FMO5: variants seen among roughly 807,000 people sequenced by gnomAD.
FMO5 encodes the protein flavin containing dimethylaniline monoxygenase 5.
In FMO5, 51 loss-of-function variants were observed where a neutral mutation model predicts 43.6. The observed-to-expected ratio is 1.17, with a 90% confidence interval of 0.93 to 1.48. The LOEUF (loss-of-function observed/expected upper bound fraction) is 1.48, where lower values mean the gene tolerates loss of function less well. Ranked by LOEUF, FMO5 falls within the 40% of genes most tolerant of loss-of-function variation. FMO5 has a pLI of 0.00. For synonymous variants in FMO5, 187 were observed against 216.5 expected (o/e 0.86, Z 1.20); for missense variants, 644 against 643.0 (o/e 1.00, Z -0.02).
intron 2 of FMO5, among the ~76,000 whole-genome samples, chr1:147,220,318 T>G (rs1425810500): frequency 6.6e-6 from 1 of 152,186 alleles, no homozygotes; most frequent in Non-Finnish European, 1.5e-5. Context: ...AATGGAGAGA[T>G]ATTCTGATTC....
chr1:147,204,644 C>T (rs1416786106), intron 6 of FMO5: 26 of 1,585,756 alleles, frequency 1.6e-5, no homozygotes, highest in Non-Finnish European at 2.2e-5. Flanking sequence ...CCATCTCCAA[C>T]TTCTTGCTCT....
chr1:147,223,005 G>T (rs1663326673), intron 2 of FMO5, among the ~76,000 whole-genome samples: 1 of 152,180 alleles, frequency 6.6e-6, no homozygotes, highest in South Asian at 2.1e-4. Flanking sequence ...ACTGTTGTAA[G>T]TGATTGGCAT....
At chr1:147,209,575 G>C (rs1238218038) in intron 5 of FMO5, 1 of 153,492 alleles carries the variant, frequency 6.5e-6, no homozygotes, top group Non-Finnish European at 1.4e-5. Flanking sequence ...TGTATCTACT[G>C]TCCAAGAATA....
At chr1:147,207,088 A>G (rs1660230938) in intron 6 of FMO5, among the ~76,000 whole-genome samples, 1 of 152,050 alleles carries the variant, frequency 6.6e-6, no homozygotes, top group Non-Finnish European at 1.5e-5. Context: ...CAATGTATTA[A>G]TGTATTTTAT....
At chr1:147,224,626 T>C (rs888635889) in intron 2 of FMO5, among the ~76,000 whole-genome samples, 16 of 151,948 alleles carry the variant, frequency 1.1e-4, no homozygotes, top group Non-Finnish European at 2.9e-5. Flanking sequence ...CCTCCTGCCT[T>C]AGCCTCCCGA....
chr1:147,208,608 T>C, intron 6 of FMO5: 1 of 345,818 alleles, frequency 2.9e-6, no homozygotes, highest in East Asian at 6.6e-5. Flanking sequence ...CCTGGCTAAT[T>C]TTGTGTTTTT....
intron 7 of FMO5, among the ~76,000 whole-genome samples, chr1:147,193,396 T>C (rs1257254624): frequency 6.6e-6 from 1 of 152,154 alleles, no homozygotes; most frequent in African/African-American, 2.4e-5. Context: ...GATTCTTCTC[T>C]TTTCTTCTTT....
At chr1:147,194,081 T>C (rs1343255328) in intron 7 of FMO5, among the ~76,000 whole-genome samples, 1 of 152,120 alleles carries the variant, frequency 6.6e-6, no homozygotes, top group Non-Finnish European at 1.5e-5. Context: ...TCTGTCTCGT[T>C]GATCTGTCTA....
At chr1:147,205,026 T>G (rs2101873747) in intron 6 of FMO5, 6 of 725,486 alleles carry the variant, frequency 8.3e-6, no homozygotes, top group South Asian at 7.5e-5. Context: ...ATACATTCAG[T>G]CACTCTTCCA....
intron 8 of FMO5, among the ~76,000 whole-genome samples, chr1:147,188,069 GATA>G (rs1655942745): frequency 6.6e-6 from 1 of 152,168 alleles, no homozygotes; most frequent in Admixed American, 6.5e-5. Flanking sequence ...CAGAGGACCT[GATA>G]GAGGGTCAAG....
In FMO5 at chr1:147,225,061, C is replaced by T. The variant is rs782194006; in HGVS notation, c.-32G>A. The T allele has an allele frequency of 8.1e-6, 13 of 1,613,888 alleles. No homozygotes were observed. Among genetic ancestry groups the T allele is most frequent in the Non-Finnish European group, 9.3e-6 (11 of 1,179,920 alleles). ...CCGAGATCTTCACCTGTTAGTGTCG[C>T]CTGTCCTAAAGAAAGGATGACAAAA... On this transcript the variant is annotated 5_prime_UTR_variant, in exon 2 of 9. Coordinates refer to ENST00000254090, the MANE Select transcript of FMO5 (RefSeq NM_001461.4).
At position 147,209,437 on chromosome 1, in the gene FMO5, C is replaced by CA. The variant is rs34426233; in HGVS notation, c.631-387dup. Among the ~76,000 whole-genome samples the CA allele has an allele frequency of 2.9e-3, 320 of 109,844 alleles. 20 individuals carry two copies. Among genetic ancestry groups the CA allele is most frequent in the African/African-American group, 9.5e-3 (264 of 27,776 alleles). The allele number at this position is 109,844 out of a possible 152,430, so 72.1% of individuals were successfully genotyped here. On this transcript the variant is annotated intron_variant, in intron 5 of 8. Coordinates refer to ENST00000254090, the MANE Select transcript of FMO5 (RefSeq NM_001461.4). ...TGGGCAACAGAGTGAGACTCCGTCT[C>CA]AAAAAAAAAAAAAAAAAGAGTTCAA...
In FMO5 at chr1:147,186,686, G is replaced by A. The variant is rs1172373844; in HGVS notation, c.*214C>T. On this transcript the variant is annotated 3_prime_UTR_variant, in exon 9 of 9. Transcript: ENST00000254090. ...GCTCCCAGTCTAGGGATTACCACAA[G>A]GAAGAGTGACGGATCATGAGTGGAA... The A allele has an allele frequency of 7.2e-7, 1 of 1,383,408 alleles. No individual in the cohort carries two copies. The highest frequency in any genetic ancestry group is 9.3e-7 in the Non-Finnish European group (1 of 1,072,142). The allele number at this position is 1,383,408 out of a possible 1,614,324, so 85.7% of individuals were successfully genotyped here. A position where few individuals can be genotyped will look rare whatever the true frequency, so the allele number is the denominator to read the frequency against.
intron 7 of FMO5, among the ~76,000 whole-genome samples, chr1:147,200,264 A>T (rs1553920598): frequency 6.6e-6 from 1 of 152,190 alleles, no homozygotes. Context: ...GAGTAAATCT[A>T]ATCCTTCTTC....
At chr1:147,220,731 G>T (rs1662857481) in intron 2 of FMO5, among the ~76,000 whole-genome samples, 1 of 152,120 alleles carries the variant, frequency 6.6e-6, no homozygotes, top group Non-Finnish European at 1.5e-5. Flanking sequence ...AAGGGATCCA[G>T]TGTCAATCTT....
intron 2 of FMO5, among the ~76,000 whole-genome samples, chr1:147,219,715 C>A (rs782250929): frequency 6.7e-6 from 1 of 149,288 alleles, no homozygotes; most frequent in African/African-American, 2.5e-5. Context: ...ATGACCTGAC[C>A]GTCTATGTAG....
At chr1:147,204,890 G>T in intron 6 of FMO5, 1 of 1,586,016 alleles carries the variant, frequency 6.3e-7, no homozygotes, top group Non-Finnish European at 8.7e-7. Flanking sequence ...CCCTCCTTGA[G>T]CATCTGGGCG....
chr1:147,190,471 C>G (rs1176203330), intron 7 of FMO5, among the ~76,000 whole-genome samples: 1 of 152,102 alleles, frequency 6.6e-6, no homozygotes, highest in African/African-American at 2.4e-5. Context: ...GGGATTTCCC[C>G]TACTCTGACT....
At chr1:147,198,872 A>AAAAAAAAAAAAAAG (rs1553920319) in intron 7 of FMO5, among the ~76,000 whole-genome samples, 4 of 144,586 alleles carry the variant, frequency 2.8e-5, no homozygotes, top group African/African-American at 7.9e-5. Context: ...AAAAAAAAAA[A>AAAAAAAAAAAAAAG]AAAGAAAGAA....
Sources: allele counts gnomAD v4.1 joint callset (sites outside exome capture counted in the v4.1 genomes callset), GRCh38; gene constraint gnomAD v4.1.1; transcripts MANE v1.5; gene names NCBI Gene and HGNC (gene_info 2026-07-23, HGNC 2026-07-21).